The following CHRM3 variants were observed in gnomAD, a reference collection of about 807,000 sequenced individuals.
CHRM3 encodes the protein cholinergic receptor muscarinic 3, also known as muscarinic acetylcholine receptor M3.
In CHRM3, 11 loss-of-function variants were observed where a neutral mutation model predicts 41.8. That is an observed-to-expected ratio of 0.26 (90% CI 0.17 to 0.44). The LOEUF (loss-of-function observed/expected upper bound fraction) is 0.44, where lower values mean the gene tolerates loss of function less well. CHRM3 is among the 20% of genes least tolerant of loss of function. CHRM3 has a pLI of 1.00. For synonymous variants in CHRM3, 297 were observed against 301.4 expected, an observed-to-expected ratio of 0.99 and a Z score of 0.15; for missense variants, 571 against 745.4, an observed-to-expected ratio of 0.77 and a Z score of 2.72.
chr1:239,852,966 A>T (rs958673093), intron 6 of CHRM3, among the ~76,000 whole-genome samples: 1 of 152,082 alleles, frequency 6.6e-6, no homozygotes, highest in Non-Finnish European at 1.5e-5. Context: ...TTCTGTCATG[A>T]AAGTTTGGAC....
chr1:239,649,181 G>T (rs992585298), intron 4 of CHRM3, among the ~76,000 whole-genome samples: 2 of 152,020 alleles, frequency 1.3e-5, no homozygotes, highest in African/African-American at 4.8e-5. Flanking sequence ...GAGAAGATAG[G>T]GCCTTTGGGA....
intron 3 of CHRM3, among the ~76,000 whole-genome samples, chr1:239,614,532 A>G (rs544468628): frequency 6.6e-6 from 1 of 152,332 alleles, no homozygotes; most frequent in East Asian, 1.9e-4. Context: ...TTAAGGATTC[A>G]TTACTAATAT....
intron 4 of CHRM3, among the ~76,000 whole-genome samples, chr1:239,658,885 T>A (rs1487375092): frequency 6.6e-6 from 1 of 151,974 alleles, no homozygotes; most frequent in Non-Finnish European, 1.5e-5. Flanking sequence ...ACTACAGGTG[T>A]GTGCCACCAC....
intron 3 of CHRM3, among the ~76,000 whole-genome samples, chr1:239,621,094 G>A (rs1398352632): frequency 6.6e-6 from 1 of 152,030 alleles, no homozygotes. Context: ...AGTATTTCAA[G>A]CTTTTTAATT....
chr1:239,837,456 C>T (rs749604058), intron 6 of CHRM3, among the ~76,000 whole-genome samples: 1 of 152,196 alleles, frequency 6.6e-6, no homozygotes, highest in Non-Finnish European at 1.5e-5. Context: ...CAAGTCCTCA[C>T]CTCTTCCCTC....
At chr1:239,618,135 C>T (rs932961385) in intron 3 of CHRM3, among the ~76,000 whole-genome samples, 13 of 151,786 alleles carry the variant, frequency 8.6e-5, no homozygotes, top group Admixed American at 7.2e-4. Flanking sequence ...TGACTTATTA[C>T]GTATTTTCCC....
chr1:239,588,238 A>G (rs1663630797), intron 3 of CHRM3, among the ~76,000 whole-genome samples: 1 of 152,196 alleles, frequency 6.6e-6, no homozygotes, highest in Non-Finnish European at 1.5e-5. Context: ...TATTTATGAA[A>G]CTATTGTTTA....
intron 5 of CHRM3, among the ~76,000 whole-genome samples, chr1:239,733,397 C>A (rs144035439): frequency 6.6e-6 from 1 of 151,580 alleles, no homozygotes; most frequent in Admixed American, 6.6e-5. Context: ...GACTTATGAA[C>A]GAAGGGAGAT....
intron 2 of CHRM3, among the ~76,000 whole-genome samples, chr1:239,521,599 G>A (rs1193054515): frequency 3.9e-5 from 6 of 152,118 alleles, no homozygotes; most frequent in Non-Finnish European, 7.3e-5. Context: ...CGTGAATTAT[G>A]CTAAGTTGTC....
At chr1:239,896,001 A>G (rs993539950) in intron 6 of CHRM3, among the ~76,000 whole-genome samples, 1 of 152,236 alleles carries the variant, frequency 6.6e-6, no homozygotes, top group Non-Finnish European at 1.5e-5. Flanking sequence ...GTAACTATTC[A>G]TCTCAATTAA....
chr1:239,820,845 C>A lies in CHRM3; in HGVS notation c.-146-6407C>A, dbSNP rs1671983377. 2.6e-5 allele frequency among the ~76,000 whole-genome samples: 4 copies of A among 152,100 alleles called. No homozygotes were observed. In the South Asian group the frequency reaches 8.3e-4, roughly 32 times the overall value. On this transcript the variant is annotated intron_variant, in intron 5 of 6. Coordinates refer to ENST00000676153, the MANE Select transcript of CHRM3 (RefSeq NM_001375978.1). ...TGAATGTATCAGATTACCACATATACCCCCCAAATTGCAAATCTATTATGT... is the reference window on the plus strand; with the variant it reads ...TGAATGTATCAGATTACCACATATAACCCCCAAATTGCAAATCTATTATGT...
intron 5 of CHRM3, among the ~76,000 whole-genome samples, chr1:239,708,335 G>A (rs1008494904): frequency 1.3e-5 from 2 of 152,098 alleles, no homozygotes; most frequent in African/African-American, 4.8e-5. Flanking sequence ...TCCAAGCTTG[G>A]ATTAGCTCTT....
intron 3 of CHRM3, among the ~76,000 whole-genome samples, chr1:239,587,099 C>G (rs536133204): frequency 6.6e-6 from 1 of 152,308 alleles, no homozygotes; most frequent in South Asian, 2.1e-4. Context: ...AGCGCTACCT[C>G]ACACATTCTG....
intron 5 of CHRM3, among the ~76,000 whole-genome samples, chr1:239,795,781 G>T (rs1471326562): frequency 6.6e-6 from 1 of 152,120 alleles, no homozygotes; most frequent in South Asian, 2.1e-4. Flanking sequence ...ATAAATAGTG[G>T]ATTGTTTTTT....
At position 239,459,865 on chromosome 1, in the gene CHRM3, AT is replaced by A. The variant is rs1410591671; in HGVS notation, c.-520-32842del. On this transcript the variant is annotated intron_variant, in intron 1 of 6. Transcript: ENST00000676153. ...ATGCATTAACAGATGGGATTTTGAG[AT>A]TAGCTAGCTGTCTCCTAAAAGTTGT... is the stretch of plus-strand genomic sequence containing the variant. 3.9e-5 allele frequency among the ~76,000 whole-genome samples: 6 copies of A among 152,316 alleles called. No homozygotes were observed. In the South Asian group the frequency reaches 1.2e-3, roughly 32 times the overall value.
chr1:239,799,445 C>G (rs572669093), intron 5 of CHRM3, among the ~76,000 whole-genome samples: 63 of 152,226 alleles, frequency 4.1e-4, no homozygotes, highest in Non-Finnish European at 8.4e-4. Context: ...TGTTTTCGCT[C>G]CAGGCACTGA....
chr1:239,462,513 T>A, intron 1 of CHRM3, among the ~76,000 whole-genome samples: 1 of 152,218 alleles, frequency 6.6e-6, no homozygotes, highest in Non-Finnish European at 1.5e-5. Context: ...AAAACAGAAT[T>A]TCAATTTGTA....
At chr1:239,451,774 T>C (rs1192714208) in intron 1 of CHRM3, among the ~76,000 whole-genome samples, 1 of 152,198 alleles carries the variant, frequency 6.6e-6, no homozygotes, top group Non-Finnish European at 1.5e-5. Flanking sequence ...ATGCAAAATA[T>C]ATGAGTAAAG....
chr1:239,435,666 G>A (rs538429539), intron 1 of CHRM3, among the ~76,000 whole-genome samples: 196 of 152,052 alleles, frequency 1.3e-3, no homozygotes, highest in Non-Finnish European at 1.7e-3. Context: ...AAAAGTGTGC[G>A]CAGTGTTTTC....
Sources: gnomAD v4.1 joint callset for allele counts (sites outside exome capture counted in the v4.1 genomes callset) on GRCh38, gnomAD v4.1.1 for gene constraint, MANE v1.5 for transcripts, NCBI Gene and HGNC (gene_info 2026-07-23, HGNC 2026-07-21) for gene names.